Variants in SKA1 observed in about 807,000 individuals in gnomAD.
SKA1 encodes spindle and kinetochore associated complex subunit 1.
In SKA1, 20 loss-of-function variants were observed where a neutral mutation model predicts 31.8. The ratio of observed to expected loss-of-function variants is 0.63; its 90% CI spans 0.44 to 0.91. The LOEUF (loss-of-function observed/expected upper bound fraction) is 0.91, where lower values mean the gene tolerates loss of function less well. Among genes scored for constraint, SKA1 ranks in the 40% least tolerant of loss-of-function variants. The pLI, the probability that SKA1 is intolerant of heterozygous loss-of-function variation, is 0.00. For missense variants in SKA1, 253 were observed against 298.2 expected (o/e 0.85, Z 1.12); for synonymous variants, 88 against 100.5 (o/e 0.88, Z 0.74).
At chr18:50,385,814 A>AGG (rs1302227257) in intron 5 of SKA1, among the ~76,000 whole-genome samples, 1 of 152,176 alleles carries the variant, frequency 6.6e-6, no homozygotes, top group Non-Finnish European at 1.5e-5. Context: ...TCCCCCAAAG[A>AGG]GGGGGGCGGG....
intron 4 of SKA1, among the ~76,000 whole-genome samples, chr18:50,384,872 A>AAAAAAAAAAAAAAT (rs2041293169): frequency 1.5e-5 from 1 of 68,790 alleles, no homozygotes; most frequent in Non-Finnish European, 2.6e-5. Context: ...AAAAAAAATT[A>AAAAAAAAAAAAAAT]AAAAAAAAAA....
At chr18:50,377,556 G>A (rs377505819) in intron 2 of SKA1, among the ~76,000 whole-genome samples, 6 of 152,100 alleles carry the variant, frequency 3.9e-5, no homozygotes, top group Non-Finnish European at 8.8e-5. Context: ...ATATTTTGAC[G>A]TGCTGAAATT....
Position 50,380,147 on chromosome 18 carries a change from CTG to C in SKA1, c.112_113del (p.Val38IlefsTer3), listed in dbSNP as rs1387885789. On this transcript the variant is annotated frameshift_variant, in exon 3 of 7. Transcript: ENST00000285116. LOFTEE classifies it high-confidence loss of function. ...ACAGGCCAGGAACCTACCTTGAAAA[CTG>C]TATTAAATAAAATAGGAGATGAGAT... The C allele has an allele frequency of 3.9e-6, 6 of 1,535,370 alleles. No homozygotes were observed. Among genetic ancestry groups the C allele is most frequent in the African/African-American group, 2.9e-5 (2 of 69,434 alleles).
chr18:50,384,727 G>T, intron 4 of SKA1, among the ~76,000 whole-genome samples: 1 of 102,706 alleles, frequency 9.7e-6, no homozygotes, highest in Non-Finnish European at 1.8e-5. Flanking sequence ...GAGGGGGGAG[G>T]GATAGCATTG....
Position 50,392,467 on chromosome 18 carries a change from C to T in SKA1, c.*220C>T, listed in dbSNP as rs1470219338. 1 of 291,574 alleles carries T rather than the reference C, an allele frequency of 3.4e-6. No homozygotes were observed. The allele number at this position is 291,574 out of a possible 1,614,324, so 18.1% of individuals were successfully genotyped here. ...CACTGCAGCCTCAACCTCCCAGGCT[C>T]AAGTGATCCTCCCACCTCAGCCCCC... On this transcript the variant is annotated 3_prime_UTR_variant, in exon 7 of 7. Coordinates refer to ENST00000285116, the MANE Select transcript of SKA1 (RefSeq NM_145060.4).
chr18:50,384,345 T>C (rs1038440786), intron 4 of SKA1, among the ~76,000 whole-genome samples: 2 of 152,198 alleles, frequency 1.3e-5, no homozygotes, highest in African/African-American at 2.4e-5. Context: ...GTCTTTCCTA[T>C]GTCTTGACTT....
chr18:50,375,450 C>T (rs568114989), intron 1 of SKA1, among the ~76,000 whole-genome samples: 130 of 152,312 alleles, frequency 8.5e-4, no homozygotes, highest in Non-Finnish European at 1.7e-3. Flanking sequence ...TACCTGGGCC[C>T]ATTTCTTTGA....
At chr18:50,379,481 C>T (rs2041246899) in intron 2 of SKA1, among the ~76,000 whole-genome samples, 1 of 152,190 alleles carries the variant, frequency 6.6e-6, no homozygotes, top group Non-Finnish European at 1.5e-5. Flanking sequence ...CTTCCACACA[C>T]ACACTGAAGG....
chr18:50,378,783 T>C (rs2041241483), intron 2 of SKA1, among the ~76,000 whole-genome samples: 1 of 152,176 alleles, frequency 6.6e-6, no homozygotes. Flanking sequence ...CTAATTCTAC[T>C]GAAATTATTC....
chr18:50,380,075 C>G, intron 2 of SKA1, 51 bp from the exon 3 acceptor site: 1 of 1,423,424 alleles, frequency 7.0e-7, no homozygotes, highest in Non-Finnish European at 9.3e-7. Context: ...GTACTTATAG[C>G]TACTGCTTTT....
rs2041268792 is a variant in SKA1, at chr18:50,382,159, A to G, written c.244A>G (p.Lys82Glu). Residue 82 changes from lysine (K) to glutamate (E), a missense_variant, in exon 4 of 7, where the codon AAA (lysine) becomes GAA (glutamate). Lys to Glu is a moderately conservative substitution (Grantham distance 56, BLOSUM62 1). Transcript: ENST00000285116. ...CTGTGAATCTCTTGAAGAAGATTACAAAGACATAGAACATCTTAAAGAAAA... is the reference window on the plus strand; with the variant it reads ...CTGTGAATCTCTTGAAGAAGATTACGAAGACATAGAACATCTTAAAGAAAA... ...ELCESLEEDY[K>E]DIEHLKENVP... is the part of the protein sequence containing the mutation. 2.6e-6 allele frequency: 4 copies of G among 1,545,306 alleles called. No individual in the cohort carries two copies. Among genetic ancestry groups the G allele is most frequent in the Non-Finnish European group, 3.5e-6 (4 of 1,154,830 alleles).
In SKA1 at chr18:50,392,151, T is replaced by C. The variant is rs140061601; in HGVS notation, c.672T>C (p.Ala224=). 331 of 1,610,088 alleles carry C rather than the reference T, an allele frequency of 2.1e-4. 1 individual carries two copies. In the African/African-American group the frequency reaches 4.0e-3, roughly 19 times the overall value. The change falls in exon 7 of 7, where the codon GCT becomes GCC. Residue 224 remains alanine, a synonymous_variant. Transcript: ENST00000285116. ...ADIKEFTTLK[A]DKKFHVLLNI... is the part of the protein sequence containing the mutation. The stretch of plus-strand genomic sequence containing the variant: ...TAAAGGAGTTCACAACTTTGAAAGC[T>C]GACAAGAAGTTTCACGTGTTACTGA...
At position 50,375,800 on chromosome 18, in the gene SKA1, GT is replaced by G. The variant is rs766953997; in HGVS notation, c.-11-17del. 59 of 1,456,118 alleles carry G rather than the reference GT, an allele frequency of 4.1e-5. No homozygotes were observed. The highest frequency in any genetic ancestry group is 5.2e-5 in the Non-Finnish European group (55 of 1,063,884). 90.2% of individuals were successfully genotyped at this position (1,456,118 alleles called of 1,614,324 possible). On this transcript the variant is annotated intron_variant, in intron 1 of 6. Transcript: ENST00000285116. ...GTGTGGCTTTTCTTGTTACGAATAT[GT>G]TTATGTTTTTTTCTTCAGAGGCTTA...
intron 4 of SKA1, among the ~76,000 whole-genome samples, chr18:50,383,150 C>T (rs555999846): frequency 6.6e-6 from 1 of 152,282 alleles, no homozygotes; most frequent in South Asian, 2.1e-4. Flanking sequence ...CTGCTTTTTC[C>T]CCGAGGCCCT....
chr18:50,383,517 C>T (rs1172990104), intron 4 of SKA1, among the ~76,000 whole-genome samples: 1 of 152,206 alleles, frequency 6.6e-6, no homozygotes, highest in Non-Finnish European at 1.5e-5. Context: ...CTCAAATTTT[C>T]CATCTTGAAG....
chr18:50,389,072 A>C (rs900425382), intron 5 of SKA1, among the ~76,000 whole-genome samples: 2 of 152,214 alleles, frequency 1.3e-5, no homozygotes, highest in East Asian at 3.9e-4. Context: ...CTGTGACCTC[A>C]ATTCTCTGAA....
chr18:50,376,407 G>C (rs973929214), intron 2 of SKA1, among the ~76,000 whole-genome samples: 8 of 152,228 alleles, frequency 5.3e-5, no homozygotes, highest in Admixed American at 5.2e-4. Flanking sequence ...GCATGTGACT[G>C]TACTGAATAC....
intron 2 of SKA1, among the ~76,000 whole-genome samples, chr18:50,378,431 C>T (rs2041238516): frequency 6.6e-6 from 1 of 152,194 alleles, no homozygotes; most frequent in African/African-American, 2.4e-5. Context: ...AATCCCAGCA[C>T]TTTGGGAGGC....
Position 50,385,367 on chromosome 18 carries a change from A to ATGTTAT in SKA1, c.449+15_449+16insGTTATT. ...TGGTGTTCCTTCGTAAGTATTTAAGATAAATAATGTTCAACCCCTTAATAA... is the reference window on the plus strand; with the variant it reads ...TGGTGTTCCTTCGTAAGTATTTAAGATGTTATTAAATAATGTTCAACCCCTTAATAA... On this transcript the variant is annotated intron_variant, in intron 5 of 6. Coordinates refer to ENST00000285116, the MANE Select transcript of SKA1 (RefSeq NM_145060.4). 6.4e-7 allele frequency: 1 copy of ATGTTAT among 1,572,910 alleles called. No homozygotes were observed. The highest frequency in any genetic ancestry group is 8.6e-7 in the Non-Finnish European group (1 of 1,158,414).
Sources: allele counts gnomAD v4.1 joint callset (sites outside exome capture counted in the v4.1 genomes callset), GRCh38; gene constraint gnomAD v4.1.1; transcripts MANE v1.5; gene names NCBI Gene and HGNC (gene_info 2026-07-23, HGNC 2026-07-21).